The following SEMA3C variants were observed in gnomAD, a reference collection of about 807,000 sequenced individuals.
SEMA3C encodes semaphorin-3C.
A neutral mutation model predicts 89.4 loss-of-function variants in SEMA3C; 47 were observed. That is an observed-to-expected ratio of 0.53 (90% CI 0.42 to 0.67). SEMA3C has a LOEUF of 0.67. SEMA3C is among the 30% of genes least tolerant of loss of function. The pLI is 0.00. For missense variants in SEMA3C, 839 were observed against 929.1 expected (o/e 0.90, Z 1.26); for synonymous variants, 310 against 320.2 (o/e 0.97, Z 0.34).
chr7:80,761,332 C>T (rs1788178117), intron 14 of SEMA3C, among the ~76,000 whole-genome samples: 1 of 152,134 alleles, frequency 6.6e-6, no homozygotes, highest in African/African-American at 2.4e-5. Context: ...GTTGGCTTCA[C>T]ACACCGTAAT....
At chr7:80,870,906 C>T (rs1317863188) in intron 2 of SEMA3C, among the ~76,000 whole-genome samples, 2 of 152,158 alleles carry the variant, frequency 1.3e-5, no homozygotes, top group Non-Finnish European at 2.9e-5. Flanking sequence ...AGATGCCACA[C>T]CTCCCTGCTT....
intron 16 of SEMA3C, among the ~76,000 whole-genome samples, chr7:80,750,145 A>G (rs1395142278): frequency 4.6e-5 from 7 of 152,040 alleles, no homozygotes; most frequent in Non-Finnish European, 1.0e-4. Context: ...TTAATTTTTG[A>G]AACAGCACAC....
chr7:80,829,554 A>C (rs1216518325), intron 2 of SEMA3C, among the ~76,000 whole-genome samples: 1 of 152,182 alleles, frequency 6.6e-6, no homozygotes, highest in Admixed American at 6.5e-5. Context: ...ATTACTTGAA[A>C]GTAGACGTAT....
intron 11 of SEMA3C, among the ~76,000 whole-genome samples, chr7:80,795,760 A>G (rs1159145585): frequency 6.6e-6 from 1 of 152,210 alleles, no homozygotes; most frequent in Non-Finnish European, 1.5e-5. Flanking sequence ...GTGGGTGAAG[A>G]GCCTGATGAG....
At position 80,866,242 on chromosome 7, in the gene SEMA3C, T is replaced by C. The variant is rs189579338; in HGVS notation, c.104-37497A>G. 1.3e-3 allele frequency among the ~76,000 whole-genome samples: 204 copies of C among 152,286 alleles called. 2 individuals are homozygous for C. The highest frequency in any genetic ancestry group is 0.01 in the Admixed American group (153 of 15,288). ...AAGTAATTTGTCAAGATTATATCCC[T>C]AGATGTTACCACTTAGGCCTGAGAC... On this transcript the variant is annotated intron_variant, in intron 2 of 17. Coordinates refer to ENST00000265361, the MANE Select transcript of SEMA3C (RefSeq NM_006379.5).
At chr7:80,835,946 A>C (rs1243703114) in intron 2 of SEMA3C, among the ~76,000 whole-genome samples, 1 of 152,222 alleles carries the variant, frequency 6.6e-6, no homozygotes, top group Admixed American at 6.5e-5. Flanking sequence ...GCCAGTCCTT[A>C]ATCTGTGAAC....
At chr7:80,921,390 G>A (rs188894477), upstream of SEMA3C, among the ~76,000 whole-genome samples, 1 of 152,166 alleles carries the variant, frequency 6.6e-6, no homozygotes, top group Non-Finnish European at 1.5e-5. Flanking sequence ...GCTCATGCTT[G>A]CCAGAGACTT....
intron 2 of SEMA3C, among the ~76,000 whole-genome samples, chr7:80,905,242 G>T (rs1316674610): frequency 3.9e-5 from 4 of 103,660 alleles, no homozygotes; most frequent in East Asian, 3.1e-4. Flanking sequence ...GAGGGAGAGA[G>T]AGGGAGAGAT....
At chr7:80,865,687 C>G (rs1053216887) in intron 2 of SEMA3C, among the ~76,000 whole-genome samples, 1 of 151,828 alleles carries the variant, frequency 6.6e-6, no homozygotes, top group African/African-American at 2.4e-5. Context: ...ATCAGCTATT[C>G]GGGAGGCTGA....
Position 80,918,887 on chromosome 7 carries a change from T to G in SEMA3C, c.-98A>C. 3 of 985,456 alleles carry G rather than the reference T, an allele frequency of 3.0e-6. No individual in the cohort carries two copies. Among genetic ancestry groups the G allele is most frequent in the Non-Finnish European group, 3.6e-6 (3 of 829,940 alleles). 61.0% of individuals were successfully genotyped at this position (985,456 alleles called of 1,614,324 possible). A position where few individuals can be genotyped will look rare whatever the true frequency, so the allele number is the denominator to read the frequency against. The stretch of plus-strand genomic sequence containing the variant: ...AGTTTGCTACCGGGGTTGGATGCGC[T>G]TGTGTCTCCAGTCCTTTTCCCAGAC... On this transcript the variant is annotated 5_prime_UTR_variant, in exon 1 of 18. Coordinates refer to ENST00000265361, the MANE Select transcript of SEMA3C (RefSeq NM_006379.5).
At chr7:80,874,966 C>T (rs1166067597) in intron 2 of SEMA3C, among the ~76,000 whole-genome samples, 2 of 151,970 alleles carry the variant, frequency 1.3e-5, no homozygotes, top group Non-Finnish European at 2.9e-5. Context: ...TACCTGTAGT[C>T]CCAGCTACTC....
At chr7:80,892,765 T>C (rs1276870583) in intron 2 of SEMA3C, among the ~76,000 whole-genome samples, 1 of 152,182 alleles carries the variant, frequency 6.6e-6, no homozygotes, top group Non-Finnish European at 1.5e-5. Context: ...TCTAACTAAA[T>C]TCCCACTTTG....
At chr7:80,806,053 A>G (rs1276573134) in intron 6 of SEMA3C, among the ~76,000 whole-genome samples, 1 of 152,006 alleles carries the variant, frequency 6.6e-6, no homozygotes, top group Admixed American at 6.5e-5. Flanking sequence ...ACTATATATT[A>G]ATTTTTATAT....
intron 2 of SEMA3C, among the ~76,000 whole-genome samples, chr7:80,829,148 C>T (rs1013806442): frequency 1.3e-5 from 2 of 151,758 alleles, no homozygotes; most frequent in Non-Finnish European, 2.9e-5. Flanking sequence ...GCTCTGGCAA[C>T]AGAACGAGAC....
Position 80,745,313 on chromosome 7 carries a change from A to G in SEMA3C, c.1843-6T>C, listed in dbSNP as rs1193976122. On this transcript the variant is annotated splice_polypyrimidine_tract_variant and splice_region_variant and intron_variant, in intron 17 of 17. Coordinates refer to ENST00000265361, the MANE Select transcript of SEMA3C (RefSeq NM_006379.5). Reference sequence around the variant, plus strand: ...ATTCGTTCATTCAGCTTAACCTAAAAGAGAGACAAATTAAAGTTACTGAAA... The same window carrying G: ...ATTCGTTCATTCAGCTTAACCTAAAGGAGAGACAAATTAAAGTTACTGAAA... 2 of 1,610,572 alleles carry G rather than the reference A, an allele frequency of 1.2e-6. No homozygotes were observed. The highest frequency in any genetic ancestry group is 1.7e-6 in the Non-Finnish European group (2 of 1,179,048).
At chr7:80,869,921 T>G (rs1791016160) in intron 2 of SEMA3C, among the ~76,000 whole-genome samples, 1 of 152,222 alleles carries the variant, frequency 6.6e-6, no homozygotes, top group African/African-American at 2.4e-5. Flanking sequence ...CAGACATTAC[T>G]TTCTCTGCTC....
At chr7:80,776,210 A>G (rs1295203615) in intron 12 of SEMA3C, among the ~76,000 whole-genome samples, 1 of 151,970 alleles carries the variant, frequency 6.6e-6, no homozygotes, top group Non-Finnish European at 1.5e-5. Flanking sequence ...CCTCAGGAGT[A>G]GATAACAATT....
rs754003984 is a variant in SEMA3C, at chr7:80,818,369, T to C, written c.377A>G (p.His126Arg). The C allele has an allele frequency of 6.2e-7, 1 of 1,613,488 alleles. No homozygotes were observed. Among genetic ancestry groups the C allele is most frequent in the South Asian group, 1.1e-5 (1 of 91,020 alleles). Residue 126 changes from histidine to arginine, a missense_variant, in exon 5 of 18, where the codon CAT (histidine) becomes CGT (arginine). Coordinates refer to ENST00000265361, the MANE Select transcript of SEMA3C (RefSeq NM_006379.5). ...VRVIQTFNRTHLYVCGSGAFS... is the reference protein window; with the variant it reads ...VRVIQTFNRTRLYVCGSGAFS... ...AGCGCCACTCCCACAGACATACAAA[T>C]GTGTGCGATTGAAAGTCTGAATTAC...
intron 2 of SEMA3C, among the ~76,000 whole-genome samples, chr7:80,896,412 G>A (rs1791738752): frequency 6.6e-6 from 1 of 152,064 alleles, no homozygotes; most frequent in South Asian, 2.1e-4. Context: ...CTGTTATTTA[G>A]CTAAGCCTTA....
Sources: gnomAD v4.1 joint callset for allele counts (sites outside exome capture counted in the v4.1 genomes callset) on GRCh38, gnomAD v4.1.1 for gene constraint, MANE v1.5 for transcripts, NCBI Gene and HGNC (gene_info 2026-07-23, HGNC 2026-07-21) for gene names.